The following ABTB2 variants were observed in gnomAD, a reference collection of about 807,000 sequenced individuals.
ABTB2 encodes the protein ankyrin repeat and BTB/POZ domain-containing protein 2.
In ABTB2, 56 loss-of-function variants were observed where a neutral mutation model predicts 104.1. That is an observed-to-expected ratio of 0.54 (90% CI 0.43 to 0.67). The LOEUF is 0.67. ABTB2 is among the 30% of genes least tolerant of loss of function. The probability of loss-of-function intolerance (pLI) is 0.00; values close to 1 mark genes in which losing one functional copy is unlikely to be tolerated. For missense variants in ABTB2, 1,279 were observed against 1,407.7 expected (o/e 0.91, Z 1.46); for synonymous variants, 606 against 608.2 (o/e 1.00, Z 0.05).
chr11:34,194,169 A>AT (rs1303941330), intron 3 of ABTB2, among the ~76,000 whole-genome samples: 6 of 152,218 alleles, frequency 3.9e-5, no homozygotes, highest in Non-Finnish European at 8.8e-5. Context: ...GGTTCCATCA[A>AT]TGATGTCATG....
intron 3 of ABTB2, among the ~76,000 whole-genome samples, chr11:34,193,364 A>G (rs1443802933): frequency 1.3e-5 from 2 of 152,236 alleles, no homozygotes; most frequent in Non-Finnish European, 2.9e-5. Context: ...CTTTCCCAGG[A>G]TAGTGAGGGG....
intron 1 of ABTB2, among the ~76,000 whole-genome samples, chr11:34,261,714 A>T (rs1158916762): frequency 6.6e-6 from 1 of 152,168 alleles, no homozygotes; most frequent in East Asian, 1.9e-4. Context: ...CATTATAGTA[A>T]ATTTATAATT....
intron 1 of ABTB2, among the ~76,000 whole-genome samples, chr11:34,301,710 G>A (rs750973848): frequency 4.1e-4 from 62 of 152,292 alleles, no homozygotes; most frequent in Middle Eastern, 3.4e-3. Flanking sequence ...TAGGCCAGAC[G>A]CAGCAGCTCA....
Position 34,154,684 on chromosome 11 carries a change from C to A in ABTB2, c.2766+17G>T, listed in dbSNP as rs764620924. The A allele has an allele frequency of 1.2e-6, 2 of 1,613,786 alleles. No homozygotes were observed. Among genetic ancestry groups the A allele is most frequent in the Non-Finnish European group, 1.7e-6 (2 of 1,179,826 alleles). ...GGCACCCTAGCCCAGGCCCCCTCCC[C>A]CTCTCCCGAGTCTCACCTCCAGGAT... On this transcript the variant is annotated intron_variant, in intron 15 of 16. Transcript: ENST00000435224. This position sits in a 1 kb window ranked among gnomAD's most constrained non-coding sequence, Gnocchi z 4.9.
intron 1 of ABTB2, among the ~76,000 whole-genome samples, chr11:34,247,073 C>T (rs967181401): frequency 1.9e-4 from 29 of 152,066 alleles, no homozygotes; most frequent in African/African-American, 6.5e-4. Context: ...TCTTGAACTC[C>T]CAACCTCAGG....
At chr11:34,328,235 T>A (rs1020168237) in intron 1 of ABTB2, among the ~76,000 whole-genome samples, 1 of 152,230 alleles carries the variant, frequency 6.6e-6, no homozygotes, top group Admixed American at 6.5e-5. Flanking sequence ...ATCTTCCTTC[T>A]TCCCAGGCTT....
At chr11:34,293,265 C>T (rs1250167806) in intron 1 of ABTB2, among the ~76,000 whole-genome samples, 1 of 152,078 alleles carries the variant, frequency 6.6e-6, no homozygotes, top group East Asian at 1.9e-4. Flanking sequence ...GAGACTAGGA[C>T]TGCAGTTCTG....
intron 1 of ABTB2, among the ~76,000 whole-genome samples, chr11:34,208,001 C>T (rs1853430343): frequency 6.6e-6 from 1 of 152,218 alleles, no homozygotes. Flanking sequence ...TCTCTGACTC[C>T]CTCTGATCTT....
chr11:34,319,596 G>A (rs1340850791), intron 1 of ABTB2, among the ~76,000 whole-genome samples: 1 of 152,214 alleles, frequency 6.6e-6, no homozygotes, highest in African/African-American at 2.4e-5. Context: ...TCTTCACACT[G>A]TGTGGTAAGT....
chr11:34,209,773 GAGGGTAGGGGT>G (rs1853457654), intron 1 of ABTB2, among the ~76,000 whole-genome samples: 1 of 54,860 alleles, frequency 1.8e-5, no homozygotes, highest in Admixed American at 1.8e-4. Context: ...GGTGGGGGTG[GAGGGTAGGGGT>G]GGGGGTAGGG....
At chr11:34,302,420 C>A (rs566032506) in intron 1 of ABTB2, among the ~76,000 whole-genome samples, 4 of 152,300 alleles carry the variant, frequency 2.6e-5, no homozygotes, top group African/African-American at 9.6e-5. Context: ...TGGTCAGATT[C>A]AAATTCATCA....
At chr11:34,271,711 C>T (rs190356518) in intron 1 of ABTB2, among the ~76,000 whole-genome samples, 24 of 152,104 alleles carry the variant, frequency 1.6e-4, no homozygotes, top group African/African-American at 4.6e-4. Flanking sequence ...CCAGCTTAGG[C>T]GACAGAGTGA....
intron 1 of ABTB2, among the ~76,000 whole-genome samples, chr11:34,281,519 C>T (rs759627712): frequency 3.9e-5 from 6 of 152,238 alleles, no homozygotes; most frequent in African/African-American, 7.2e-5. Flanking sequence ...CCTTCACCAA[C>T]GCTGTGCCAA....
At chr11:34,242,046 G>A (rs1018292987) in intron 1 of ABTB2, among the ~76,000 whole-genome samples, 10 of 152,216 alleles carry the variant, frequency 6.6e-5, no homozygotes, top group African/African-American at 1.7e-4. Flanking sequence ...CGGGCCCTGC[G>A]TTGGAAATCT....
At chr11:34,180,313 C>G (rs1853011301) in intron 3 of ABTB2, among the ~76,000 whole-genome samples, 1 of 152,218 alleles carries the variant, frequency 6.6e-6, no homozygotes, top group Non-Finnish European at 1.5e-5. Context: ...AGTGAAAAAA[C>G]TCACACAAGG....
chr11:34,170,596 C>A (rs929103116), intron 5 of ABTB2, among the ~76,000 whole-genome samples: 1 of 152,214 alleles, frequency 6.6e-6, no homozygotes, highest in African/African-American at 2.4e-5. Flanking sequence ...GGTTAGCGAT[C>A]GTGTCCCTAG....
intron 1 of ABTB2, among the ~76,000 whole-genome samples, chr11:34,285,396 A>G (rs532223212): frequency 6.6e-6 from 1 of 152,300 alleles, no homozygotes; most frequent in East Asian, 1.9e-4. Context: ...CGGTAACCAG[A>G]GGAACATGGC....
chr11:34,302,684 T>C (rs950566485), intron 1 of ABTB2, among the ~76,000 whole-genome samples: 2 of 152,344 alleles, frequency 1.3e-5, no homozygotes, highest in African/African-American at 4.8e-5. Flanking sequence ...CAAAAAAAGA[T>C]GTTCCTGTGA....
intron 1 of ABTB2, among the ~76,000 whole-genome samples, chr11:34,274,820 G>C (rs140229890): frequency 6.6e-6 from 1 of 152,044 alleles, no homozygotes; most frequent in Non-Finnish European, 1.5e-5. Context: ...TTGCGCAAAC[G>C]TGCCTTGAGT....
Sources: allele counts gnomAD v4.1 joint callset (sites outside exome capture counted in the v4.1 genomes callset), GRCh38; gene constraint gnomAD v4.1.1; non-coding constraint Gnocchi (gnomAD v3.1); transcripts MANE v1.5; gene names NCBI Gene and HGNC (gene_info 2026-07-23, HGNC 2026-07-21).